OPCML: variants seen among roughly 807,000 people sequenced by gnomAD.
OPCML encodes opioid binding protein/cell adhesion molecule like, also known as opioid-binding protein/cell adhesion molecule.
In OPCML, 13 loss-of-function variants were observed where a neutral mutation model predicts 37.8. That is an observed-to-expected ratio of 0.34 (90% CI 0.22 to 0.55). The LOEUF (loss-of-function observed/expected upper bound fraction) is 0.55, where lower values mean the gene tolerates loss of function less well. Ranked by LOEUF, OPCML falls within the 20% of genes least tolerant of loss-of-function variation. The pLI is 0.91. For synonymous variants in OPCML, 176 were observed against 168.8 expected (o/e 1.04, Z -0.33); for missense variants, 341 against 435.6 (o/e 0.78, Z 1.93).
At chr11:132,985,633 C>T (rs1591880871) in intron 1 of OPCML, among the ~76,000 whole-genome samples, 1 of 152,176 alleles carries the variant, frequency 6.6e-6, no homozygotes, top group Admixed American at 6.5e-5. Context: ...ACATATGATG[C>T]AAAATCTCTT....
intron 4 of OPCML, among the ~76,000 whole-genome samples, chr11:132,502,891 A>T (rs7125111): frequency 0.22 from 33,943 of 152,078 alleles, 3,956 homozygotes; most frequent in African/African-American, 0.27. Context: ...CATACTTTTA[A>T]GTGCCTCTAG....
rs189387910 is a variant in OPCML, at chr11:133,432,347, T to C, written c.61+99917A>G. ...AAATATGTCTAGATATGTATTTTACTGTATCTATTTTTTTAAAAAAAACAC... is the reference window on the plus strand; with the variant it reads ...AAATATGTCTAGATATGTATTTTACCGTATCTATTTTTTTAAAAAAAACAC... On this transcript the variant is annotated intron_variant, in intron 1 of 7. Coordinates refer to ENST00000524381, the MANE Select transcript of OPCML (RefSeq NM_001012393.5). 2.0e-3 allele frequency among the ~76,000 whole-genome samples: 297 copies of C among 152,302 alleles called. 2 individuals are homozygous for C. The highest frequency in any genetic ancestry group is 6.5e-3 in the African/African-American group (270 of 41,542).
At chr11:133,477,651 G>A (rs1347445972) in intron 1 of OPCML, among the ~76,000 whole-genome samples, 2 of 152,228 alleles carry the variant, frequency 1.3e-5, no homozygotes, top group East Asian at 1.9e-4. Flanking sequence ...GACCTGGGAT[G>A]TCCTTGGCAG....
chr11:132,806,715 A>G (rs1465219896), intron 2 of OPCML, among the ~76,000 whole-genome samples: 1 of 152,192 alleles, frequency 6.6e-6, no homozygotes, highest in Non-Finnish European at 1.5e-5. Context: ...AATATGAGGA[A>G]GAAAATGTAA....
intron 3 of OPCML, among the ~76,000 whole-genome samples, chr11:132,541,562 A>G (rs2096356692): frequency 6.6e-6 from 1 of 150,912 alleles, no homozygotes; most frequent in South Asian, 2.1e-4. Context: ...TGAGAACTTA[A>G]TAAGTGTCAA....
chr11:132,502,037 A>G (rs930511354), intron 4 of OPCML, among the ~76,000 whole-genome samples: 2 of 152,240 alleles, frequency 1.3e-5, no homozygotes, highest in Non-Finnish European at 2.9e-5. Flanking sequence ...GAAAGTGGAT[A>G]GATACTCAAG....
chr11:133,151,789 A>G (rs1246553094), intron 1 of OPCML, among the ~76,000 whole-genome samples: 1 of 152,072 alleles, frequency 6.6e-6, no homozygotes, highest in African/African-American at 2.4e-5. Flanking sequence ...GGAGGTGGGA[A>G]TCTTGGTCTA....
At chr11:132,894,539 GGA>G (rs1335303238) in intron 2 of OPCML, among the ~76,000 whole-genome samples, 5 of 152,122 alleles carry the variant, frequency 3.3e-5, no homozygotes, top group Admixed American at 6.5e-5. Flanking sequence ...TCCACCTACT[GGA>G]TTAAGGAGTA....
intron 1 of OPCML, among the ~76,000 whole-genome samples, chr11:133,054,235 T>C (rs1948181888): frequency 6.6e-6 from 1 of 152,192 alleles, no homozygotes; most frequent in Non-Finnish European, 1.5e-5. Context: ...ACAGATCAGC[T>C]CATACTTCTG....
intron 1 of OPCML, among the ~76,000 whole-genome samples, chr11:133,213,126 T>A (rs1490778911): frequency 6.6e-6 from 1 of 152,112 alleles, no homozygotes; most frequent in African/African-American, 2.4e-5. Flanking sequence ...TCTCTCAAGC[T>A]GGGTTCCTTT....
intron 1 of OPCML, among the ~76,000 whole-genome samples, chr11:133,275,441 G>A (rs1267255375): frequency 6.6e-6 from 1 of 152,138 alleles, no homozygotes; most frequent in Non-Finnish European, 1.5e-5. Context: ...AAGGACAGTT[G>A]TTGACATGAT....
chr11:132,800,386 ATTTG>A (rs1286241263), intron 2 of OPCML, among the ~76,000 whole-genome samples: 6 of 152,202 alleles, frequency 3.9e-5, no homozygotes, highest in Middle Eastern at 3.4e-3. Flanking sequence ...GAATTTTTAA[ATTTG>A]TTTATGTTTG....
intron 2 of OPCML, among the ~76,000 whole-genome samples, chr11:132,873,663 G>A (rs1942898151): frequency 6.7e-6 from 1 of 148,380 alleles, no homozygotes; most frequent in Admixed American, 6.8e-5. Flanking sequence ...ATGACAAGTT[G>A]TATAAAGAGA....
At chr11:132,922,400 A>C (rs1164046366) in intron 2 of OPCML, among the ~76,000 whole-genome samples, 2 of 152,070 alleles carry the variant, frequency 1.3e-5, no homozygotes, top group Non-Finnish European at 2.9e-5. Flanking sequence ...AGAACTATGA[A>C]GCCAAAAGAG....
At chr11:132,941,328 G>A (rs183244050) in intron 2 of OPCML, among the ~76,000 whole-genome samples, 1 of 152,244 alleles carries the variant, frequency 6.6e-6, no homozygotes, top group East Asian at 1.9e-4. Context: ...AGAGGACAGA[G>A]GATTCTGGAA....
chr11:133,053,486 TC>T (rs1948168084), intron 1 of OPCML, among the ~76,000 whole-genome samples: 1 of 152,208 alleles, frequency 6.6e-6, no homozygotes, highest in South Asian at 2.1e-4. Flanking sequence ...CTGGTTTCCA[TC>T]CACTCCAGTC....
chr11:133,450,858 A>G (rs1406975494), intron 1 of OPCML, among the ~76,000 whole-genome samples: 1 of 151,768 alleles, frequency 6.6e-6, no homozygotes, highest in Non-Finnish European at 1.5e-5. Flanking sequence ...AAGGTCTGGT[A>G]TGCCAGCACT....
intron 2 of OPCML, among the ~76,000 whole-genome samples, chr11:132,899,033 C>A (rs1365052257): frequency 6.6e-6 from 1 of 152,134 alleles, no homozygotes; most frequent in African/African-American, 2.4e-5. Context: ...GCCCCATGAT[C>A]AAGGTCAATG....
chr11:133,403,095 T>G (rs1945443609), intron 1 of OPCML, among the ~76,000 whole-genome samples: 1 of 152,162 alleles, frequency 6.6e-6, no homozygotes, highest in African/African-American at 2.4e-5. Flanking sequence ...GTGCAGTGAT[T>G]AAAGAGCTCT....
Sources: gnomAD v4.1 joint callset for allele counts (sites outside exome capture counted in the v4.1 genomes callset) on GRCh38, gnomAD v4.1.1 for gene constraint, MANE v1.5 for transcripts, NCBI Gene and HGNC (gene_info 2026-07-23, HGNC 2026-07-21) for gene names.